The following NPAS3 variants were observed in gnomAD, a reference collection of about 807,000 sequenced individuals.
NPAS3 encodes the protein neuronal PAS domain-containing protein 3.
NPAS3 carries 14 observed loss-of-function variants against 73.1 expected under a neutral mutation model. The observed-to-expected ratio is 0.19, with a 90% CI of 0.13 to 0.30. The LOEUF (loss-of-function observed/expected upper bound fraction) is 0.30, where lower values mean the gene tolerates loss of function less well. Ranked by LOEUF, NPAS3 falls within the 10% of genes least tolerant of loss-of-function variation. The probability of loss-of-function intolerance (pLI) is 1.00; values close to 1 mark genes in which losing one functional copy is unlikely to be tolerated. For missense variants in NPAS3, 1,096 were observed against 1,250.0 expected (o/e 0.88, Z 1.86); for synonymous variants, 620 against 541.5 (o/e 1.14, Z -2.01).
rs552030207 is a variant in NPAS3 at position 33,106,889 on chromosome 14, A to G, written c.140+50895A>G. 5.9e-5 allele frequency among the ~76,000 whole-genome samples: 9 copies of G among 152,262 alleles called. No individual in the cohort carries two copies. In the East Asian group the frequency reaches 1.5e-3, roughly 26 times the overall value. The stretch of plus-strand genomic sequence containing the variant: ...CTCCCTTAACACTATGAATATAATG[A>G]ATATCTTACAGTGACACATCTGAAA... On this transcript the variant is annotated intron_variant, in intron 2 of 11. Coordinates refer to ENST00000356141, the Ensembl canonical transcript of NPAS3.
chr14:33,492,912 G>A (rs2051973840), intron 4 of NPAS3, among the ~76,000 whole-genome samples: 1 of 152,126 alleles, frequency 6.6e-6, no homozygotes, highest in Non-Finnish European at 1.5e-5. Context: ...GGCATCCCTT[G>A]ATCTTAACCT....
At chr14:33,798,344 A>G (rs2063574156) in intron 11 of NPAS3, among the ~76,000 whole-genome samples, 1 of 152,168 alleles carries the variant, frequency 6.6e-6, no homozygotes, top group Non-Finnish European at 1.5e-5. Flanking sequence ...AGAGACACAC[A>G]TAAGGCCAGG....
intron 4 of NPAS3, among the ~76,000 whole-genome samples, chr14:33,406,160 A>T (rs2047657682): frequency 6.6e-6 from 1 of 152,144 alleles, no homozygotes; most frequent in Non-Finnish European, 1.5e-5. Flanking sequence ...TTCTCCTTGG[A>T]ACATAACAAC....
intron 5 of NPAS3, among the ~76,000 whole-genome samples, chr14:33,672,812 A>G (rs1339008197): frequency 6.6e-6 from 1 of 152,202 alleles, no homozygotes; most frequent in Non-Finnish European, 1.5e-5. Context: ...GTAAACTTGA[A>G]CATGCATTTT....
intron 3 of NPAS3, among the ~76,000 whole-genome samples, chr14:33,276,510 A>T (rs985419939): frequency 6.6e-6 from 1 of 152,086 alleles, no homozygotes; most frequent in Non-Finnish European, 1.5e-5. Flanking sequence ...TAATTTTTTT[A>T]AAAAACTCAT....
intron 6 of NPAS3, among the ~76,000 whole-genome samples, chr14:33,681,242 ATATACT>A (rs993243114): frequency 1.3e-4 from 20 of 152,204 alleles, no homozygotes; most frequent in Admixed American, 1.2e-3. Flanking sequence ...TGGATATGAC[ATATACT>A]TGTACTTCTA....
In NPAS3 at chr14:33,543,946, CATATATATATATATATATAT is replaced by C. The variant is rs35154724; in HGVS notation, c.469-16138_469-16119del. 5.1e-3 allele frequency among the ~76,000 whole-genome samples: 536 copies of C among 104,920 alleles called. 6 individuals are homozygous for C. Among genetic ancestry groups the C allele is most frequent in the Non-Finnish European group, 7.3e-3 (328 of 45,140 alleles). The allele number at this position is 104,920 out of a possible 152,430, so 68.8% of individuals were successfully genotyped here. A position where few individuals can be genotyped will look rare whatever the true frequency, so the allele number is the denominator to read the frequency against. ...CATCTCAGACAGGTATGGCAAAGTG[CATATATATATATATATATAT>C]ATATATATATATATATATATATATA... On this transcript the variant is annotated intron_variant, in intron 4 of 11. Coordinates refer to ENST00000356141, the Ensembl canonical transcript of NPAS3.
chr14:33,035,763 C>G (rs553052867), intron 1 of NPAS3, among the ~76,000 whole-genome samples: 1 of 152,258 alleles, frequency 6.6e-6, no homozygotes, highest in South Asian at 2.1e-4. Context: ...GAGTTCTTCT[C>G]TTTGTACCAT....
chr14:33,065,525 C>G (rs1351528702), intron 2 of NPAS3, among the ~76,000 whole-genome samples: 2 of 152,074 alleles, frequency 1.3e-5, no homozygotes, highest in Non-Finnish European at 2.9e-5. Flanking sequence ...GCAACGGAAG[C>G]ATTGTTGGGT....
At chr14:33,429,379 T>C (rs1431556316) in intron 4 of NPAS3, among the ~76,000 whole-genome samples, 2 of 152,138 alleles carry the variant, frequency 1.3e-5, no homozygotes, top group Non-Finnish European at 2.9e-5. Flanking sequence ...TCAGGAAGTT[T>C]AGATCAACTG....
intron 2 of NPAS3, among the ~76,000 whole-genome samples, chr14:33,138,835 G>A (rs902281326): frequency 4.6e-5 from 7 of 152,180 alleles, no homozygotes; most frequent in Middle Eastern, 6.3e-3. Context: ...ACATGCAATG[G>A]AACCTGACTT....
chr14:33,367,168 C>G lies in NPAS3; in HGVS notation c.386-18C>G. 1 of 833,170 alleles carries G rather than the reference C, an allele frequency of 1.2e-6. No individual in the cohort carries two copies. The highest frequency in any genetic ancestry group is 2.0e-6 in the Non-Finnish European group (1 of 489,152). The allele number at this position is 833,170 out of a possible 1,614,324, so 51.6% of individuals were successfully genotyped here. A position where few individuals can be genotyped will look rare whatever the true frequency, so the allele number is the denominator to read the frequency against. ...CCAACTTAATTGTTCTGTTTTCTTT[C>G]TTTCTTTTTCTTTTAAGTTATAGGT... On this transcript the variant is annotated intron_variant, in intron 3 of 11. Coordinates refer to ENST00000356141, the Ensembl canonical transcript of NPAS3.
At chr14:33,723,580 C>G (rs534042183) in intron 6 of NPAS3, among the ~76,000 whole-genome samples, 1 of 152,178 alleles carries the variant, frequency 6.6e-6, no homozygotes, top group South Asian at 2.1e-4. Flanking sequence ...CTCTAACCCT[C>G]TCCAGTGCAA....
chr14:33,744,555 A>G (rs1214661801), intron 7 of NPAS3, among the ~76,000 whole-genome samples: 1 of 152,086 alleles, frequency 6.6e-6, no homozygotes, highest in Non-Finnish European at 1.5e-5. Context: ...TGGGAGGCGA[A>G]GGTGGGAGGA....
chr14:33,406,110 A>G (rs1401520096), intron 4 of NPAS3, among the ~76,000 whole-genome samples: 1 of 152,172 alleles, frequency 6.6e-6, no homozygotes, highest in Non-Finnish European at 1.5e-5. Flanking sequence ...AAAAGATGTC[A>G]TCAGTGTCTT....
At chr14:33,172,901 A>G (rs183146838) in intron 2 of NPAS3, among the ~76,000 whole-genome samples, 1 of 152,156 alleles carries the variant, frequency 6.6e-6, no homozygotes, top group African/African-American at 2.4e-5. Flanking sequence ...GTGATTACTA[A>G]ATTTCTGAAA....
At chr14:33,705,345 A>G (rs534536564) in intron 6 of NPAS3, among the ~76,000 whole-genome samples, 91 of 152,168 alleles carry the variant, frequency 6.0e-4, no homozygotes, top group Non-Finnish European at 1.0e-3. Context: ...TCCCCCTAGA[A>G]GCATGCACAA....
chr14:32,988,911 A>G (rs184641863), intron 1 of NPAS3, among the ~76,000 whole-genome samples: 2 of 152,328 alleles, frequency 1.3e-5, no homozygotes, highest in East Asian at 3.9e-4. Context: ...CTAGTCACTC[A>G]GTGCGTATTT....
chr14:33,442,798 G>A (rs1480423956), intron 4 of NPAS3, among the ~76,000 whole-genome samples: 3 of 152,158 alleles, frequency 2.0e-5, no homozygotes, highest in Admixed American at 2.0e-4. Flanking sequence ...GAGAACAAAC[G>A]AATACACCAG....
Sources: allele counts gnomAD v4.1 joint callset (sites outside exome capture counted in the v4.1 genomes callset), GRCh38; gene constraint gnomAD v4.1.1; transcripts MANE v1.5; gene names NCBI Gene and HGNC (gene_info 2026-07-23, HGNC 2026-07-21).